Variants in GPHN observed in about 807,000 individuals in gnomAD.
The protein encoded by GPHN is gephyrin.
Under a neutral mutation model 95.5 loss-of-function variants are expected in GPHN, and 17 were observed. That is an observed-to-expected ratio of 0.18 (90% CI 0.12 to 0.27). The LOEUF (loss-of-function observed/expected upper bound fraction) is 0.27. Ranked by LOEUF, GPHN falls within the 10% of genes least tolerant of loss-of-function variation. The pLI, the probability that GPHN is intolerant of heterozygous loss-of-function variation, is 1.00. For missense variants in GPHN, 660 were observed against 978.1 expected (o/e 0.67, Z 4.34); for synonymous variants, 320 against 322.5 (o/e 0.99, Z 0.08).
the GPHN span, among the ~76,000 whole-genome samples, chr14:67,480,530 G>A: frequency 2.6e-5 from 4 of 152,186 alleles, no homozygotes; most frequent in East Asian, 5.8e-4. Flanking sequence ...TCCTACCCCC[G>A]GGCAGGAGAG....
chr14:67,673,808 C>T, the GPHN span, among the ~76,000 whole-genome samples: 1 of 152,172 alleles, frequency 6.6e-6, no homozygotes, highest in Non-Finnish European at 1.5e-5. Context: ...TTGTAGCAAC[C>T]TGAATCATGA....
the GPHN span, among the ~76,000 whole-genome samples, chr14:67,276,255 A>G: frequency 6.6e-6 from 1 of 152,028 alleles, no homozygotes. Context: ...CAGTTTTATC[A>G]TTATTCATGT....
chr14:66,567,987 GT>G (rs1336549678), intron 1 of GPHN, among the ~76,000 whole-genome samples: 19 of 152,144 alleles, frequency 1.2e-4, no homozygotes, highest in Non-Finnish European at 2.2e-4. Flanking sequence ...ATGAGTGATA[GT>G]TAAGAAGAAA....
intron 10 of GPHN, among the ~76,000 whole-genome samples, chr14:67,024,668 G>A (rs2073832906): frequency 6.6e-6 from 1 of 152,166 alleles, no homozygotes; most frequent in African/African-American, 2.4e-5. Context: ...CTCTCCCAGT[G>A]GAGCCATATG....
At chr14:67,293,649 A>T in the GPHN span, among the ~76,000 whole-genome samples, 13 of 152,172 alleles carry the variant, frequency 8.5e-5, no homozygotes, top group Admixed American at 8.5e-4. Flanking sequence ...TTGATCTTAT[A>T]CTATTCACAC....
intron 10 of GPHN, among the ~76,000 whole-genome samples, chr14:67,024,391 G>A (rs2073819394): frequency 6.6e-6 from 1 of 152,122 alleles, no homozygotes; most frequent in Non-Finnish European, 1.5e-5. Flanking sequence ...TATCTTAATA[G>A]CTTAATGACA....
the GPHN span, among the ~76,000 whole-genome samples, chr14:67,607,707 G>T: frequency 1.3e-5 from 2 of 152,130 alleles, no homozygotes; most frequent in African/African-American, 4.8e-5. Flanking sequence ...TATTTTTAGG[G>T]AGCTGCCAGA....
In GPHN at chr14:66,521,252, C is replaced by T. The variant is rs914027432; in HGVS notation, c.64+12661C>T. Among the ~76,000 whole-genome samples the T allele has an allele frequency of 3.4e-4, 51 of 151,776 alleles. 1 individual carries two copies. On this transcript the variant is annotated intron_variant, in intron 1 of 22. Coordinates refer to ENST00000478722, the MANE Select transcript of GPHN (RefSeq NM_020806.5). ...TGGAATTGCTGGGTTAAATGGTGGT[C>T]AGAGGAAATTTTTTTTTTCTCGTGA...
At chr14:67,309,992 G>GT in the GPHN span, among the ~76,000 whole-genome samples, 6,351 of 140,912 alleles carry the variant, frequency 0.045, 135 homozygotes, top group Non-Finnish European at 0.05. Flanking sequence ...GATTCTCAAG[G>GT]TTTTTTTTTT....
At chr14:66,540,976 C>T (rs1358384992) in intron 1 of GPHN, among the ~76,000 whole-genome samples, 1 of 151,430 alleles carries the variant, frequency 6.6e-6, no homozygotes, top group African/African-American at 2.4e-5. Context: ...GAGACGGAGT[C>T]TCCCACTGTC....
chr14:66,995,461 C>A (rs1350490628), intron 9 of GPHN, among the ~76,000 whole-genome samples: 6 of 152,132 alleles, frequency 3.9e-5, no homozygotes, highest in African/African-American at 1.4e-4. Context: ...GGCAATGATA[C>A]TTTTTCGCAC....
chr14:67,567,330 T>C, the GPHN span, among the ~76,000 whole-genome samples: 2 of 152,208 alleles, frequency 1.3e-5, no homozygotes. Context: ...AAGCCCTTTT[T>C]TCAGTTAATC....
rs1415206074 is a variant in GPHN, at chr14:66,628,004, CT to C, written c.65-53098del. Among the ~76,000 whole-genome samples, 12 of 152,056 alleles carry C rather than the reference CT, an allele frequency of 7.9e-5. No individual in the cohort carries two copies. The East Asian group carries it at 2.1e-3, about 27-fold the overall frequency. On this transcript the variant is annotated intron_variant, in intron 1 of 22. Coordinates refer to ENST00000478722, the MANE Select transcript of GPHN (RefSeq NM_020806.5). ...ATAGAAAATGGAATGTTTTTATTGT[CT>C]TTTTGTGCCCTAAAAAGAGTCAGTC...
the GPHN span, among the ~76,000 whole-genome samples, chr14:67,539,104 C>T: frequency 5.5e-4 from 84 of 152,284 alleles, no homozygotes; most frequent in African/African-American, 1.9e-3. Flanking sequence ...AGTTGCGAGA[C>T]TCCCAGGTCC....
intron 1 of GPHN, among the ~76,000 whole-genome samples, chr14:66,635,158 A>C (rs1257421470): frequency 1.3e-5 from 2 of 152,142 alleles, no homozygotes; most frequent in African/African-American, 4.8e-5. Context: ...GTCTCACTGC[A>C]TGGGACCTAG....
the GPHN span, chr14:67,662,982 ATGT>A: frequency 7.2e-7 from 1 of 1,383,056 alleles, no homozygotes; most frequent in Non-Finnish European, 9.3e-7. Flanking sequence ...AACCACTTCT[ATGT>A]TAACTCGTAC....
intron 18 of GPHN, among the ~76,000 whole-genome samples, chr14:67,150,574 A>G (rs1012817597): frequency 1.1e-4 from 16 of 150,982 alleles, no homozygotes; most frequent in Non-Finnish European, 1.6e-4. Flanking sequence ...AGATTATTTG[A>G]TAAATAAGCC....
At chr14:67,551,874 TA>T in the GPHN span, among the ~76,000 whole-genome samples, 163 of 142,014 alleles carry the variant, frequency 1.1e-3, no homozygotes, top group Non-Finnish European at 1.1e-3. Flanking sequence ...AGATTCTGTC[TA>T]AAAAAAAAAA....
At chr14:67,389,772 TTTC>T in the GPHN span, among the ~76,000 whole-genome samples, 2 of 147,478 alleles carry the variant, frequency 1.4e-5, no homozygotes, top group East Asian at 3.9e-4. Context: ...AAGTGTTTTT[TTTC>T]TTTTTTTTTT....
Sources: gnomAD v4.1 joint callset for allele counts (sites outside exome capture counted in the v4.1 genomes callset) on GRCh38, gnomAD v4.1.1 for gene constraint, MANE v1.5 for transcripts, NCBI Gene and HGNC (gene_info 2026-07-23, HGNC 2026-07-21) for gene names.